The following MPZL1 variants were observed in gnomAD, a reference collection of about 807,000 sequenced individuals.
MPZL1 encodes the protein myelin protein zero-like protein 1.
In MPZL1, 16 loss-of-function variants were observed where a neutral mutation model predicts 29.3. That is an observed-to-expected ratio of 0.55 (90% CI 0.37 to 0.83). The LOEUF (loss-of-function observed/expected upper bound fraction) is 0.83. MPZL1 is among the 40% of genes least tolerant of loss of function. The probability of loss-of-function intolerance (pLI) is 0.00; values close to 1 mark genes in which losing one functional copy is unlikely to be tolerated. For synonymous variants in MPZL1, 143 were observed against 132.0 expected, an observed-to-expected ratio of 1.08 and a Z score of -0.57; for missense variants, 279 against 332.9, an observed-to-expected ratio of 0.84 and a Z score of 1.26.
At chr1:167,780,743 A>T (rs1661480253) in intron 5 of MPZL1, among the ~76,000 whole-genome samples, 1 of 152,148 alleles carries the variant, frequency 6.6e-6, no homozygotes, top group South Asian at 2.1e-4. Context: ...AAGGAAGAAT[A>T]GGGAGTTGTT....
chr1:167,732,373 A>G (rs1347321528), intron 1 of MPZL1, among the ~76,000 whole-genome samples: 1 of 152,194 alleles, frequency 6.6e-6, no homozygotes, highest in African/African-American at 2.4e-5. Flanking sequence ...CAGCCTGGAC[A>G]ACAGAGGGAG....
intron 1 of MPZL1, among the ~76,000 whole-genome samples, chr1:167,737,021 C>T (rs1394127037): frequency 2.0e-5 from 3 of 152,184 alleles, no homozygotes; most frequent in Non-Finnish European, 2.9e-5. Context: ...ACCCTTGTCC[C>T]TTATTTACCT....
chr1:167,764,619 T>C (rs981499141), intron 1 of MPZL1, among the ~76,000 whole-genome samples: 1 of 152,182 alleles, frequency 6.6e-6, no homozygotes, highest in African/African-American at 2.4e-5. Flanking sequence ...GCATTACATA[T>C]GGATGATGAG....
intron 1 of MPZL1, among the ~76,000 whole-genome samples, chr1:167,762,187 A>G (rs1661003699): frequency 6.6e-6 from 1 of 152,090 alleles, no homozygotes; most frequent in South Asian, 2.1e-4. Context: ...CAGAGGAGAT[A>G]CTGCTGTCAT....
At position 167,722,093 on chromosome 1, in the gene MPZL1, C is replaced by T. The variant is rs1660039961; in HGVS notation, c.-59C>T. On this transcript the variant is annotated 5_prime_UTR_variant, in exon 1 of 6. Coordinates refer to ENST00000359523, the MANE Select transcript of MPZL1 (RefSeq NM_003953.6). ...CCTCTTCCCCAAGCCGAGCCAACCT[C>T]AGCGGGGACCCGGGCTCAGGGACGC... The T allele has an allele frequency of 8.1e-7, 1 of 1,232,148 alleles. No individual in the cohort carries two copies. The highest frequency in any genetic ancestry group is 1.0e-6 in the Non-Finnish European group (1 of 987,716). 76.3% of individuals were successfully genotyped at this position (1,232,148 alleles called of 1,614,324 possible). A position where few individuals can be genotyped will look rare whatever the true frequency, so the allele number is the denominator to read the frequency against.
chr1:167,744,590 A>C (rs964667247), intron 1 of MPZL1, among the ~76,000 whole-genome samples: 6 of 151,244 alleles, frequency 4.0e-5, no homozygotes, highest in African/African-American at 1.5e-4. Flanking sequence ...AGGCTGAGGC[A>C]GGAGAAACAC....
intron 5 of MPZL1, among the ~76,000 whole-genome samples, chr1:167,781,402 G>A (rs1468103605): frequency 2.6e-5 from 4 of 152,046 alleles, no homozygotes; most frequent in East Asian, 3.8e-4. Context: ...TATAGAGTAC[G>A]TTCTCTGGCC....
Position 167,739,302 on chromosome 1 carries a change from T to C in MPZL1, c.91+17060T>C, listed in dbSNP as rs1208962425. Among the ~76,000 whole-genome samples the C allele has an allele frequency of 1.2e-4, 14 of 119,296 alleles. 1 individual carries two copies. The highest frequency in any genetic ancestry group is 5.3e-4 in the African/African-American group (12 of 22,742). 78.3% of individuals were successfully genotyped at this position (119,296 alleles called of 152,430 possible). Reference sequence around the variant, plus strand: ...ATATACATATATATATATATATATATATATATACACATATATATATTTATG... The same window carrying C: ...ATATACATATATATATATATATATACATATATACACATATATATATTTATG... On this transcript the variant is annotated intron_variant, in intron 1 of 5. Transcript: ENST00000359523.
chr1:167,754,082 CT>C (rs1660816282), intron 1 of MPZL1, among the ~76,000 whole-genome samples: 1 of 152,150 alleles, frequency 6.6e-6, no homozygotes, highest in South Asian at 2.1e-4. Flanking sequence ...GCTGCAACCT[CT>C]GCCTCCTGGG....
At chr1:167,749,397 G>A (rs1339621044) in intron 1 of MPZL1, among the ~76,000 whole-genome samples, 2 of 152,154 alleles carry the variant, frequency 1.3e-5, no homozygotes. Flanking sequence ...AACTCAGTAA[G>A]ATATAAAATA....
chr1:167,786,805 C>T (rs1248366749), intron 5 of MPZL1, among the ~76,000 whole-genome samples: 3 of 152,106 alleles, frequency 2.0e-5, no homozygotes, highest in Non-Finnish European at 4.4e-5. Context: ...AGCTTAAGCA[C>T]GTTATTAGAC....
chr1:167,752,358 A>G (rs368522443), intron 1 of MPZL1, among the ~76,000 whole-genome samples: 2 of 152,164 alleles, frequency 1.3e-5, no homozygotes, highest in East Asian at 1.9e-4. Context: ...ATAAATAACA[A>G]TAAGATACAG....
At chr1:167,774,403 A>G (rs1440016504) in intron 4 of MPZL1, among the ~76,000 whole-genome samples, 3 of 152,294 alleles carry the variant, frequency 2.0e-5, no homozygotes, top group African/African-American at 7.2e-5. Context: ...GGGAACCTCT[A>G]TCTATGGGCT....
chr1:167,723,122 A>G (rs893404202), intron 1 of MPZL1, among the ~76,000 whole-genome samples: 5 of 152,260 alleles, frequency 3.3e-5, no homozygotes, highest in Admixed American at 2.0e-4. Flanking sequence ...TGTTGTTCAA[A>G]GCAAAGTACT....
chr1:167,733,691 C>T (rs1660314729), intron 1 of MPZL1, among the ~76,000 whole-genome samples: 1 of 151,624 alleles, frequency 6.6e-6, no homozygotes, highest in African/African-American at 2.4e-5. Context: ...TTGCAGTGAG[C>T]TGAGATTGTG....
chr1:167,749,411 A>G lies in MPZL1; in HGVS notation c.92-16172A>G, dbSNP rs149566574. On this transcript the variant is annotated intron_variant, in intron 1 of 5. Transcript: ENST00000359523. ...CAACTCAGTAAGATATAAAATATCC[A>G]GAGATTATGAAACATATAGGTTTCT... Among the ~76,000 whole-genome samples, 455 of 152,326 alleles carry G rather than the reference A, an allele frequency of 3.0e-3. 4 individuals are homozygous for G. Among genetic ancestry groups the G allele is most frequent in the African/African-American group, 0.01 (417 of 41,568 alleles).
chr1:167,746,936 A>G (rs932837682), intron 1 of MPZL1, among the ~76,000 whole-genome samples: 1 of 152,224 alleles, frequency 6.6e-6, no homozygotes, highest in Non-Finnish European at 1.5e-5. Context: ...TGGGAATTTG[A>G]TCCTTCATAG....
At chr1:167,758,466 T>C (rs1660915976) in intron 1 of MPZL1, among the ~76,000 whole-genome samples, 1 of 152,176 alleles carries the variant, frequency 6.6e-6, no homozygotes, top group African/African-American at 2.4e-5. Context: ...GACTCTTAGG[T>C]GAACCATTCT....
At chr1:167,777,738 C>T (rs1255641831) in intron 5 of MPZL1, among the ~76,000 whole-genome samples, 1 of 152,136 alleles carries the variant, frequency 6.6e-6, no homozygotes, top group Non-Finnish European at 1.5e-5. Flanking sequence ...CTGGTGCTCA[C>T]ACAGGTGAGG....
Sources: allele counts gnomAD v4.1 joint callset (sites outside exome capture counted in the v4.1 genomes callset), GRCh38; gene constraint gnomAD v4.1.1; transcripts MANE v1.5; gene names NCBI Gene and HGNC (gene_info 2026-07-23, HGNC 2026-07-21).